TOPBP1: variants seen among roughly 807,000 people sequenced by gnomAD.
TOPBP1 encodes the protein DNA topoisomerase 2-binding protein 1.
Under a neutral mutation model 167.7 loss-of-function variants are expected in TOPBP1, and 28 were observed. The observed-to-expected ratio is 0.17, with a 90% CI of 0.12 to 0.23. TOPBP1 has a LOEUF of 0.23. Among genes scored for constraint, TOPBP1 ranks in the 10% least tolerant of loss-of-function variants. The probability of loss-of-function intolerance (pLI) is 1.00; values close to 1 mark genes in which losing one functional copy is unlikely to be tolerated. For synonymous variants in TOPBP1, 598 were observed against 611.4 expected (o/e 0.98, Z 0.32); for missense variants, 1,554 against 1,809.6 (o/e 0.86, Z 2.56).
At chr3:133,646,886 T>C (rs1450191217) in intron 10 of TOPBP1, among the ~76,000 whole-genome samples, 1 of 152,150 alleles carries the variant, frequency 6.6e-6, no homozygotes, top group African/African-American at 2.4e-5. Flanking sequence ...CAGGATAAAA[T>C]ATTAAAATCC....
chr3:133,601,415 A>G, intron 27 of TOPBP1, 22 bp from the exon 28 acceptor site: 1 of 1,431,560 alleles, frequency 7.0e-7, no homozygotes, highest in Non-Finnish European at 9.3e-7. Context: ...AAAATAAGTG[A>G]TTTTTTAAAA....
At chr3:133,612,854 T>TA (rs1026891130) in intron 23 of TOPBP1, among the ~76,000 whole-genome samples, 3 of 152,084 alleles carry the variant, frequency 2.0e-5, no homozygotes, top group African/African-American at 7.2e-5. Context: ...CTTAACTACT[T>TA]AATTTTATTC....
At chr3:133,655,119 C>T (rs1027659407) in intron 6 of TOPBP1, among the ~76,000 whole-genome samples, 171 bp downstream of exon 6, 4 of 152,104 alleles carry the variant, frequency 2.6e-5, no homozygotes, top group African/African-American at 7.2e-5. Flanking sequence ...TTGGGAGAAT[C>T]GCTTGATCAA....
At chr3:133,657,680 T>C in intron 4 of TOPBP1, 118 bp downstream of exon 4, 1 of 792,088 alleles carries the variant, frequency 1.3e-6, no homozygotes. Flanking sequence ...ATACTGAACT[T>C]TGTTAAAAGT....
intron 10 of TOPBP1, among the ~76,000 whole-genome samples, chr3:133,645,197 T>C (rs1936034022): frequency 6.6e-6 from 1 of 152,194 alleles, no homozygotes; most frequent in South Asian, 2.1e-4. Context: ...CATTAGGAAC[T>C]TGTAAATTAA....
At chr3:133,642,089 A>G (rs553812719) in intron 12 of TOPBP1, among the ~76,000 whole-genome samples, 5 of 152,228 alleles carry the variant, frequency 3.3e-5, no homozygotes, top group African/African-American at 1.2e-4. Flanking sequence ...TCCTGGGCTC[A>G]AGTAATCCTC....
chr3:133,654,506 A>C lies in TOPBP1; in HGVS notation c.742+784T>G, dbSNP rs372623548. Among the ~76,000 whole-genome samples, 8 of 152,322 alleles carry C rather than the reference A, an allele frequency of 5.3e-5. 1 individual carries two copies. The highest frequency in any genetic ancestry group is 1.9e-4 in the East Asian group (1 of 5,188). On this transcript the variant is annotated intron_variant, in intron 6 of 27. Coordinates refer to ENST00000260810, the MANE Select transcript of TOPBP1 (RefSeq NM_007027.4). ...TATCAACTCTACTCACAGTGATCCT[A>C]TCACAATCAGCCATACTCAAAGTTC...
chr3:133,623,015 C>A, intron 19 of TOPBP1, 76 bp downstream of exon 19: 1 of 818,300 alleles, frequency 1.2e-6, no homozygotes, highest in South Asian at 2.0e-5. Context: ...GGCAAGATGA[C>A]AAGACCCCAT....
chr3:133,660,818 C>T (rs571118281), intron 2 of TOPBP1, among the ~76,000 whole-genome samples: 1 of 152,192 alleles, frequency 6.6e-6, no homozygotes, highest in South Asian at 2.1e-4. Context: ...TGTAGGTCAG[C>T]CATATTAAAC....
chr3:133,661,860 G>A lies in TOPBP1; in HGVS notation c.-99C>T, dbSNP rs1936734477. The A allele has an allele frequency of 6.6e-6, 1 of 152,218 alleles. No individual in the cohort carries two copies. 9.4% of individuals were successfully genotyped at this position (152,218 alleles called of 1,614,324 possible). On this transcript the variant is annotated 5_prime_UTR_variant, in exon 1 of 28. Transcript: ENST00000260810. ...GGGTCGGGCGCCAGCCCGGCGCACA[G>A]CCCCCTCCCCCGACTCGGCGCCGCC...
At chr3:133,655,128 A>T (rs78936621) in intron 6 of TOPBP1, among the ~76,000 whole-genome samples, 162 bp downstream of exon 6, 1 of 152,122 alleles carries the variant, frequency 6.6e-6, no homozygotes, top group African/African-American at 2.4e-5. Context: ...TCGCTTGATC[A>T]AGGGAGGCAG....
chr3:133,634,227 G>T (rs78032154), intron 14 of TOPBP1, among the ~76,000 whole-genome samples: 2,045 of 152,270 alleles, frequency 0.013, 51 homozygotes, highest in African/African-American at 0.046. Flanking sequence ...TAAAAGAAAA[G>T]GCCAGGTGTT....
intron 27 of TOPBP1, among the ~76,000 whole-genome samples, chr3:133,607,250 A>G (rs969688891): frequency 6.6e-6 from 1 of 152,074 alleles, no homozygotes; most frequent in African/African-American, 2.4e-5. Context: ...ACGATTTTGT[A>G]CCATTTCTAA....
intron 12 of TOPBP1, among the ~76,000 whole-genome samples, chr3:133,642,302 T>C (rs1935915107): frequency 6.6e-6 from 1 of 152,208 alleles, no homozygotes; most frequent in South Asian, 2.1e-4. Flanking sequence ...TTTGGATACT[T>C]ATAGTAATCA....
chr3:133,602,827 C>A (rs182685620), intron 27 of TOPBP1, among the ~76,000 whole-genome samples: 1,630 of 152,134 alleles, frequency 0.011, 8 homozygotes, highest in South Asian at 0.018. Flanking sequence ...AGTTTACTGA[C>A]CCCTGGTATA....
Position 133,640,001 on chromosome 3 carries a change from C to T in TOPBP1, c.2191G>A (p.Ala731Thr), listed in dbSNP as rs1935839438. 1 of 1,613,742 alleles carries T rather than the reference C, an allele frequency of 6.2e-7. No homozygotes were observed. Among genetic ancestry groups the T allele is most frequent in the Non-Finnish European group, 8.5e-7 (1 of 1,179,834 alleles). The part of the protein sequence containing the change: ...LLETARTGKR[A>T]DESHFLIENS... The stretch of plus-strand genomic sequence containing the variant: ...TCAATCAGAAAATGGCTTTCGTCTG[C>T]TCTCTTTCCCGTTCTAGCAGTCTCC... The change falls in exon 13 of 28, where the codon GCA becomes ACA. Residue 731 changes from alanine to threonine, a missense_variant. This residue lies in a region of TOPBP1 where 1,197 missense variants were observed against 1,351.5 expected (regional missense o/e 0.89). Transcript: ENST00000260810.
chr3:133,657,793 T>G lies in TOPBP1; in HGVS notation c.363+5A>C. On this transcript the variant is annotated splice_donor_5th_base_variant and intron_variant, in intron 4 of 27. Coordinates refer to ENST00000260810, the MANE Select transcript of TOPBP1 (RefSeq NM_007027.4). ...TTGATCAATCATCATGAGATCAATA[T>G]CTACCCTTTTTTCTTTTTCCAGACT... The G allele has an allele frequency of 1.3e-6, 2 of 1,536,760 alleles. No homozygotes were observed. The highest frequency in any genetic ancestry group is 1.7e-6 in the Non-Finnish European group (2 of 1,148,604).
At chr3:133,660,461 T>C (rs760664334) in intron 2 of TOPBP1, among the ~76,000 whole-genome samples, 15 of 152,228 alleles carry the variant, frequency 9.9e-5, no homozygotes, top group Admixed American at 5.2e-4. Flanking sequence ...AAATACTTGC[T>C]GAATGAATGA....
At position 133,644,272 on chromosome 3, in the gene TOPBP1, T is replaced by C. The variant is rs374086024; in HGVS notation, c.1596A>G (p.Glu532=). The C allele has an allele frequency of 9.3e-6, 15 of 1,613,678 alleles. No individual in the cohort carries two copies. Among genetic ancestry groups the C allele is most frequent in the Non-Finnish European group, 1.2e-5 (14 of 1,179,818 alleles). Residue 532 remains glutamate (E), a synonymous_variant, in exon 11 of 28, where the codon GAA becomes GAG. Transcript: ENST00000260810. The part of the protein sequence containing the change: ...NDSTHISLQE[E]NQSSVSHCVP... ...CACAATGACTGACAGAAGACTGGTT[T>C]TCTTCTTGCAAAGAAATGTGAGTAG...
Sources: allele counts gnomAD v4.1 joint callset (sites outside exome capture counted in the v4.1 genomes callset), GRCh38; gene constraint gnomAD v4.1.1; regional missense constraint gnomAD v4.1.1; transcripts MANE v1.5; gene names NCBI Gene and HGNC (gene_info 2026-07-23, HGNC 2026-07-21).